PTN: variants seen among roughly 807,000 people sequenced by gnomAD.
The protein encoded by PTN is heparin affin regulatory protein.
Under a neutral mutation model 24.1 loss-of-function variants are expected in PTN, and 18 were observed. The ratio of observed to expected loss-of-function variants is 0.75; its 90% confidence interval spans 0.52 to 1.11. The LOEUF (loss-of-function observed/expected upper bound fraction) is 1.11, where lower values mean the gene tolerates loss of function less well. Ranked by LOEUF, PTN falls within the 50% of genes least tolerant of loss-of-function variation. The pLI, the probability that PTN is intolerant of heterozygous loss-of-function variation, is 0.00. For missense variants in PTN, 163 were observed against 198.8 expected, an observed-to-expected ratio of 0.82 and a Z score of 1.08; for synonymous variants, 78 against 68.6, an observed-to-expected ratio of 1.14 and a Z score of -0.67.
chr7:137,259,600 C>A (rs899840755), intron 1 of PTN, among the ~76,000 whole-genome samples: 1 of 150,776 alleles, frequency 6.6e-6, no homozygotes, highest in Non-Finnish European at 1.5e-5. Context: ...TTACTTACTA[C>A]AAAGAAGTGC....
intron 4 of PTN, among the ~76,000 whole-genome samples, chr7:137,234,001 G>A (rs1808476527): frequency 6.7e-6 from 1 of 150,108 alleles, no homozygotes; most frequent in South Asian, 2.1e-4. Flanking sequence ...CACATACATA[G>A]AGAGAGAGAG....
intron 1 of PTN, among the ~76,000 whole-genome samples, chr7:137,282,113 T>C (rs1400916459): frequency 6.6e-6 from 1 of 152,248 alleles, no homozygotes; most frequent in East Asian, 1.9e-4. Flanking sequence ...TGGCTTTAAA[T>C]GTTCTAGAAG....
chr7:137,280,424 T>C (rs751865851), intron 1 of PTN, among the ~76,000 whole-genome samples: 16 of 151,674 alleles, frequency 1.1e-4, no homozygotes, highest in East Asian at 3.9e-4. Context: ...AAGGAGACTA[T>C]AGAATAAGAA....
intron 1 of PTN, among the ~76,000 whole-genome samples, chr7:137,332,268 A>C (rs1042556648): frequency 2.0e-5 from 3 of 152,314 alleles, no homozygotes; most frequent in South Asian, 2.1e-4. Flanking sequence ...ATTGTAAGTA[A>C]GTTTTCTTTT....
At chr7:137,316,885 G>A (rs1405626085) in intron 1 of PTN, among the ~76,000 whole-genome samples, 3 of 152,120 alleles carry the variant, frequency 2.0e-5, no homozygotes, top group African/African-American at 2.4e-5. Context: ...AGGCAGTGGC[G>A]CCTGTGCCAA....
In PTN at chr7:137,330,142, C is replaced by T. The variant is rs373865193; in HGVS notation, c.-2+13297G>A. ...TCTTTACTAAAAATACAAAAATTAG[C>T]TAGGTGTGGTAACATGGGCCTGTAA... On this transcript the variant is annotated intron_variant, in intron 1 of 4. Transcript: ENST00000348225. Among the ~76,000 whole-genome samples, 19 of 152,110 alleles carry T rather than the reference C, an allele frequency of 1.2e-4. No individual in the cohort carries two copies. The East Asian group carries it at 3.5e-3, about 28-fold the overall frequency.
intron 1 of PTN, among the ~76,000 whole-genome samples, chr7:137,258,655 A>C (rs1249886543): frequency 6.6e-6 from 1 of 152,178 alleles, no homozygotes; most frequent in Admixed American, 6.5e-5. Flanking sequence ...ACAATACCCA[A>C]CTAGCCTGCT....
rs1220441279 is a variant in PTN, at chr7:137,293,886, A to G, written c.-1-38912T>C. 2.0e-5 allele frequency among the ~76,000 whole-genome samples: 3 copies of G among 152,226 alleles called. No homozygotes were observed. The East Asian group carries it at 5.8e-4, about 30-fold the overall frequency. The stretch of plus-strand genomic sequence containing the variant: ...TGTATCCACCATTATAGCCTCATAC[A>G]GAGATGTTCCACTGCCCTAAAGACT... On this transcript the variant is annotated intron_variant, in intron 1 of 4. Coordinates refer to ENST00000348225, the MANE Select transcript of PTN (RefSeq NM_002825.7).
intron 1 of PTN, among the ~76,000 whole-genome samples, chr7:137,320,602 A>G (rs895893004): frequency 2.6e-5 from 4 of 152,228 alleles, no homozygotes; most frequent in African/African-American, 9.6e-5. Flanking sequence ...AGGTGTTTAG[A>G]TAGGAGAAAG....
In PTN at chr7:137,317,736, T is replaced by C. The variant is rs113352156; in HGVS notation, c.-2+25703A>G. Among the ~76,000 whole-genome samples, 783 of 152,296 alleles carry C rather than the reference T, an allele frequency of 5.1e-3. 5 individuals are homozygous for C. Among genetic ancestry groups the C allele is most frequent in the African/African-American group, 0.017 (723 of 41,562 alleles). On this transcript the variant is annotated intron_variant, in intron 1 of 4. Transcript: ENST00000348225. ...ATTCAATACTTAAACAATACTGCAT[T>C]GTAGAGAACTCTGGTTTTCTTTTTC...
intron 1 of PTN, among the ~76,000 whole-genome samples, chr7:137,283,197 A>C (rs951798183): frequency 1.3e-5 from 2 of 152,152 alleles, no homozygotes; most frequent in Non-Finnish European, 2.9e-5. Context: ...TTTAGCTGGC[A>C]AAAAAATAGG....
chr7:137,268,609 T>G (rs1043745176), intron 1 of PTN, among the ~76,000 whole-genome samples: 1 of 152,172 alleles, frequency 6.6e-6, no homozygotes, highest in African/African-American at 2.4e-5. Context: ...GGTTTCACAG[T>G]GTCCTTCCAT....
intron 4 of PTN, among the ~76,000 whole-genome samples, chr7:137,249,287 G>GTT (rs902320825): frequency 6.6e-6 from 1 of 151,618 alleles, no homozygotes; most frequent in African/African-American, 2.4e-5. Context: ...GTGTGTGTGT[G>GTT]TGTGTGTGTG....
chr7:137,312,925 T>C (rs1213326809), intron 1 of PTN, among the ~76,000 whole-genome samples: 3 of 152,192 alleles, frequency 2.0e-5, no homozygotes, highest in Non-Finnish European at 4.4e-5. Flanking sequence ...AGACTAAATA[T>C]AATGAAAACT....
chr7:137,236,596 A>T (rs965262106), intron 4 of PTN, among the ~76,000 whole-genome samples: 1 of 152,158 alleles, frequency 6.6e-6, no homozygotes, highest in African/African-American at 2.4e-5. Flanking sequence ...TCAAGATTTT[A>T]TACTTCTTGA....
At chr7:137,268,374 A>G (rs1182367516) in intron 1 of PTN, among the ~76,000 whole-genome samples, 1 of 151,844 alleles carries the variant, frequency 6.6e-6, no homozygotes, top group Non-Finnish European at 1.5e-5. Flanking sequence ...AGCCGCGGAC[A>G]GGAGACACCG....
At chr7:137,296,823 T>A (rs1466286081) in intron 1 of PTN, among the ~76,000 whole-genome samples, 2 of 152,064 alleles carry the variant, frequency 1.3e-5, no homozygotes, top group Non-Finnish European at 1.5e-5. Context: ...GAGCTGATCC[T>A]AACATTCCTG....
intron 1 of PTN, among the ~76,000 whole-genome samples, chr7:137,259,671 A>G (rs1808999207): frequency 6.6e-6 from 1 of 151,546 alleles, no homozygotes; most frequent in Non-Finnish European, 1.5e-5. Context: ...CAAAAGCAAA[A>G]CAAAACAAAC....
intron 4 of PTN, among the ~76,000 whole-genome samples, chr7:137,229,919 A>C (rs370295797): frequency 3.9e-5 from 6 of 151,914 alleles, no homozygotes; most frequent in African/African-American, 1.4e-4. Context: ...CAACAGCTGT[A>C]TATTAGGATG....
Sources: gnomAD v4.1 joint callset for allele counts (sites outside exome capture counted in the v4.1 genomes callset) on GRCh38, gnomAD v4.1.1 for gene constraint, MANE v1.5 for transcripts, NCBI Gene and HGNC (gene_info 2026-07-23, HGNC 2026-07-21) for gene names.